ZNF560: variants seen among roughly 807,000 people sequenced by gnomAD.
ZNF560 encodes zinc finger protein 560.
In ZNF560, 54 loss-of-function variants were observed where a neutral mutation model predicts 81.8. The ratio of observed to expected loss-of-function variants is 0.66; its 90% CI spans 0.53 to 0.83. The LOEUF (loss-of-function observed/expected upper bound fraction) is 0.83. ZNF560 is among the 40% of genes least tolerant of loss of function. The pLI, the probability that ZNF560 is intolerant of heterozygous loss-of-function variation, is 0.00. For missense variants in ZNF560, 940 were observed against 932.4 expected, an observed-to-expected ratio of 1.01 and a Z score of -0.11; for synonymous variants, 321 against 317.9, an observed-to-expected ratio of 1.01 and a Z score of -0.10.
rs1380867680 is a variant in ZNF560, at chr19:9,489,275, C to T, written c.-57+8853G>A. ...GCCAGGCAGAGGCGCTCCTCGCTTC[C>T]CAGACAGTGCGGCGGCCGGTTAGAG... On this transcript the variant is annotated intron_variant, in intron 2 of 9. Transcript: ENST00000301480. 4.6e-5 allele frequency among the ~76,000 whole-genome samples: 7 copies of T among 151,846 alleles called. 1 individual carries two copies. The highest frequency in any genetic ancestry group is 1.4e-4 in the African/African-American group (6 of 41,380).
At chr19:9,466,021 T>C (rs767341939), downstream of ZNF560, among the ~76,000 whole-genome samples, 1 of 151,044 alleles carries the variant, frequency 6.6e-6, no homozygotes, top group Non-Finnish European at 1.5e-5. Context: ...AAAACATGGT[T>C]TCTCTCCATG....
At chr19:9,493,577 G>A (rs1351873222) in intron 2 of ZNF560, among the ~76,000 whole-genome samples, 1 of 152,004 alleles carries the variant, frequency 6.6e-6, no homozygotes, top group Admixed American at 6.6e-5. Flanking sequence ...GGCCAGGCTG[G>A]TCTCAAACTC....
chr19:9,484,611 G>A (rs1443323561), intron 2 of ZNF560, among the ~76,000 whole-genome samples: 1 of 142,942 alleles, frequency 7.0e-6, no homozygotes, highest in African/African-American at 2.7e-5. Context: ...GTGAAACCCT[G>A]TCTCTACCGA....
At chr19:9,463,508 G>A (rs143791966), downstream of ZNF560, among the ~76,000 whole-genome samples, 213 of 152,316 alleles carry the variant, frequency 1.4e-3, 3 homozygotes, top group African/African-American at 4.9e-3. Context: ...TGAGGTGACA[G>A]AAGTCACACA....
At chr19:9,482,390 T>C (rs1420675015) in intron 2 of ZNF560, among the ~76,000 whole-genome samples, 1 of 150,346 alleles carries the variant, frequency 6.7e-6, no homozygotes, top group Non-Finnish European at 1.5e-5. Context: ...AACCTGCACA[T>C]TGTACGCATG....
the ZNF560 span, among the ~76,000 whole-genome samples, chr19:9,457,841 G>A: frequency 5.9e-5 from 9 of 152,176 alleles, no homozygotes; most frequent in African/African-American, 2.2e-4. Flanking sequence ...TCTATCTTTA[G>A]AGGAGATCCT....
chr19:9,479,401 A>G (rs527992431), intron 2 of ZNF560, among the ~76,000 whole-genome samples: 1 of 152,266 alleles, frequency 6.6e-6, no homozygotes, highest in African/African-American at 2.4e-5. Flanking sequence ...AGGGCAGGGG[A>G]AAAAACACTC....
chr19:9,448,294 C>T, the ZNF560 span, among the ~76,000 whole-genome samples: 8 of 151,426 alleles, frequency 5.3e-5, no homozygotes, highest in Non-Finnish European at 1.0e-4. Context: ...TGCAATGACA[C>T]GATCTTGGCT....
intron 2 of ZNF560, among the ~76,000 whole-genome samples, chr19:9,497,036 G>A (rs2073570334): frequency 6.6e-6 from 1 of 151,780 alleles, no homozygotes; most frequent in Admixed American, 6.6e-5. Context: ...CACAAAGTTG[G>A]GCGTGGTAAG....
the ZNF560 span, among the ~76,000 whole-genome samples, chr19:9,452,783 A>C: frequency 2.4e-3 from 371 of 152,312 alleles, 2 homozygotes; most frequent in Middle Eastern, 0.017. Context: ...AGAGAGTTGA[A>C]AAACTACCTA....
rs371972613 is a variant in ZNF560 at position 9,468,181 on chromosome 19, T to C, written c.766A>G (p.Asn256Asp). 42 of 1,614,052 alleles carry C rather than the reference T, an allele frequency of 2.6e-5. No individual in the cohort carries two copies. The African/African-American group carries it at 4.5e-4, about 17-fold the overall frequency. The stretch of plus-strand genomic sequence containing the variant: ...ACTTTCCTTATGGTAGAGGTTTTAT[T>C]GTATAGAGAAAGGAGGTCTTTTGCA... ...QYAKDLLSLYNKTSTIRKVSV... is the reference protein window; with the variant it reads ...QYAKDLLSLYDKTSTIRKVSV... Residue 256 changes from asparagine (N) to aspartate (D), a missense_variant, in exon 10 of 10, where the codon AAT (asparagine) becomes GAT (aspartate). Physicochemically the swap from Asn to Asp is conservative, Grantham distance 23. Coordinates refer to ENST00000301480, the MANE Select transcript of ZNF560 (RefSeq NM_152476.3).
intron 2 of ZNF560, among the ~76,000 whole-genome samples, chr19:9,496,150 A>G (rs2073554107): frequency 1.3e-5 from 2 of 152,258 alleles, no homozygotes; most frequent in South Asian, 4.1e-4. Context: ...CATGGATGCT[A>G]AAATAATTAG....
chr19:9,458,437 G>A, the ZNF560 span, among the ~76,000 whole-genome samples: 2 of 152,250 alleles, frequency 1.3e-5, no homozygotes, highest in Non-Finnish European at 2.9e-5. Flanking sequence ...AGCTCAAAAA[G>A]CGGAGCTTGA....
intron 5 of ZNF560, 38 bp from the exon 6 acceptor site, chr19:9,471,416 T>TAAAA: frequency 1.6e-6 from 2 of 1,279,596 alleles, no homozygotes; most frequent in African/African-American, 3.1e-5. Flanking sequence ...TTTTTTTTTT[T>TAAAA]AAAAAAAAAG....
intron 2 of ZNF560, among the ~76,000 whole-genome samples, chr19:9,490,853 A>G (rs1483654390): frequency 6.6e-6 from 1 of 152,186 alleles, no homozygotes; most frequent in Admixed American, 6.5e-5. Context: ...TAGGTAACAC[A>G]CCACTCAGGA....
intron 2 of ZNF560, among the ~76,000 whole-genome samples, chr19:9,491,147 C>T (rs2073466474): frequency 6.6e-6 from 1 of 152,118 alleles, no homozygotes; most frequent in African/African-American, 2.4e-5. Flanking sequence ...GGGTCTTGCT[C>T]TGTTGCCCAG....
At chr19:9,494,196 G>C (rs1425936366) in intron 2 of ZNF560, among the ~76,000 whole-genome samples, 1 of 151,486 alleles carries the variant, frequency 6.6e-6, no homozygotes, top group East Asian at 1.9e-4. Context: ...TTCTCACTTA[G>C]GGGTGAGAAA....
the ZNF560 span, among the ~76,000 whole-genome samples, chr19:9,454,278 G>A: frequency 6.6e-6 from 1 of 152,350 alleles, no homozygotes; most frequent in South Asian, 2.1e-4. Context: ...GAGACCGTCA[G>A]CTCTGAAGGT....
At chr19:9,492,447 C>CT (rs2073488243) in intron 2 of ZNF560, among the ~76,000 whole-genome samples, 2 of 152,332 alleles carry the variant, frequency 1.3e-5, no homozygotes, top group Non-Finnish European at 2.9e-5. Context: ...ATCCACTAGG[C>CT]TTTTGCCTAT....
Sources: allele counts gnomAD v4.1 joint callset (sites outside exome capture counted in the v4.1 genomes callset), GRCh38; gene constraint gnomAD v4.1.1; transcripts MANE v1.5; gene names NCBI Gene and HGNC (gene_info 2026-07-23, HGNC 2026-07-21).